The following LHFPL6 variants were observed in gnomAD, a reference collection of about 807,000 sequenced individuals.
LHFPL6 encodes LHFPL tetraspan subfamily member 6.
LHFPL6 carries 9 observed loss-of-function variants against 20.6 expected under a neutral mutation model. The observed-to-expected ratio is 0.44, with a 90% confidence interval of 0.26 to 0.76. The LOEUF (loss-of-function observed/expected upper bound fraction) is 0.76. Among genes scored for constraint, LHFPL6 ranks in the 30% least tolerant of loss-of-function variants. LHFPL6 has a pLI of 0.20. For synonymous variants in LHFPL6, 105 were observed against 98.7 expected, an observed-to-expected ratio of 1.06 and a Z score of -0.38; for missense variants, 218 against 253.5, an observed-to-expected ratio of 0.86 and a Z score of 0.95.
chr13:39,415,533 G>A (rs1871326672), intron 2 of LHFPL6, among the ~76,000 whole-genome samples: 1 of 151,856 alleles, frequency 6.6e-6, no homozygotes, highest in South Asian at 2.1e-4. Context: ...AAAGCAAGCT[G>A]AAGAAACACT....
intron 3 of LHFPL6, among the ~76,000 whole-genome samples, chr13:39,369,359 A>T (rs2138351899): frequency 6.6e-6 from 1 of 152,270 alleles, no homozygotes; most frequent in Admixed American, 6.5e-5. Context: ...GAAAAAAAGA[A>T]TGTAGAGCAA....
chr13:39,386,079 G>A (rs984274115), intron 2 of LHFPL6, among the ~76,000 whole-genome samples: 5 of 151,924 alleles, frequency 3.3e-5, no homozygotes, highest in African/African-American at 9.7e-5. Context: ...CCTTTCTGTG[G>A]TAAGCACCGA....
At chr13:39,596,423 GCAT>G (rs1872772599) in intron 2 of LHFPL6, among the ~76,000 whole-genome samples, 1 of 152,122 alleles carries the variant, frequency 6.6e-6, no homozygotes, top group Admixed American at 6.5e-5. Context: ...AGCAGCAGCA[GCAT>G]CACCTGAAAA....
intron 2 of LHFPL6, among the ~76,000 whole-genome samples, chr13:39,472,809 C>T (rs570027657): frequency 2.0e-5 from 3 of 152,216 alleles, no homozygotes. Context: ...TGGGGTTTCA[C>T]CAGGTTGGCC....
chr13:39,460,087 T>C (rs1282981950), intron 2 of LHFPL6, among the ~76,000 whole-genome samples: 2 of 152,160 alleles, frequency 1.3e-5, no homozygotes, highest in East Asian at 1.9e-4. Context: ...TGAATATCTA[T>C]AGAAATTTCT....
At chr13:39,525,874 T>TC (rs994367796) in intron 2 of LHFPL6, among the ~76,000 whole-genome samples, 2 of 151,824 alleles carry the variant, frequency 1.3e-5, no homozygotes, top group Admixed American at 1.3e-4. Context: ...TCCTTTTTTT[T>TC]TTCTTTTTTA....
At chr13:39,597,778 A>G (rs1593379423) in intron 2 of LHFPL6, among the ~76,000 whole-genome samples, 1 of 152,192 alleles carries the variant, frequency 6.6e-6, no homozygotes, top group Admixed American at 6.5e-5. Flanking sequence ...TGGCAGCCCC[A>G]TTTTACATTG....
intron 2 of LHFPL6, among the ~76,000 whole-genome samples, chr13:39,494,754 T>C (rs2138457290): frequency 6.6e-6 from 1 of 152,290 alleles, no homozygotes; most frequent in Non-Finnish European, 1.5e-5. Flanking sequence ...TAAGATTTAA[T>C]TGGAATCAAA....
At chr13:39,457,077 G>A (rs532542532) in intron 2 of LHFPL6, among the ~76,000 whole-genome samples, 1 of 152,256 alleles carries the variant, frequency 6.6e-6, no homozygotes, top group South Asian at 2.1e-4. Context: ...TGGGATTATA[G>A]ACGTGAGCCA....
At chr13:39,402,155 T>C (rs556801379) in intron 2 of LHFPL6, among the ~76,000 whole-genome samples, 51 of 152,366 alleles carry the variant, frequency 3.3e-4, no homozygotes, top group Middle Eastern at 3.4e-3. Flanking sequence ...AACAATATTT[T>C]TGATATACTT....
intron 2 of LHFPL6, among the ~76,000 whole-genome samples, chr13:39,406,668 A>G (rs1184187608): frequency 6.6e-6 from 1 of 152,236 alleles, no homozygotes; most frequent in East Asian, 1.9e-4. Context: ...TCAATTATCC[A>G]TTTTAATGTA....
At chr13:39,536,729 C>T (rs1244003950) in intron 2 of LHFPL6, among the ~76,000 whole-genome samples, 1 of 152,176 alleles carries the variant, frequency 6.6e-6, no homozygotes, top group Non-Finnish European at 1.5e-5. Flanking sequence ...TCTTGCACAT[C>T]TAACCAGCAG....
intron 3 of LHFPL6, among the ~76,000 whole-genome samples, chr13:39,377,280 T>C (rs898365599): frequency 3.9e-5 from 6 of 152,260 alleles, no homozygotes; most frequent in East Asian, 1.9e-4. Context: ...TCCTATGTCA[T>C]GAAAATTTTA....
chr13:39,600,703 C>T (rs984518750), intron 2 of LHFPL6, 129 bp downstream of exon 2: 4 of 994,170 alleles, frequency 4.0e-6, no homozygotes, highest in Admixed American at 6.0e-5. Flanking sequence ...ATCATCAAAG[C>T]CATTCCAAAT....
intron 2 of LHFPL6, among the ~76,000 whole-genome samples, chr13:39,585,292 C>T (rs1476823175): frequency 1.3e-5 from 2 of 152,188 alleles, no homozygotes; most frequent in East Asian, 1.9e-4. Flanking sequence ...AGAATCATAA[C>T]ATTTACAGCT....
chr13:39,400,608 C>A (rs1870961594), intron 2 of LHFPL6, among the ~76,000 whole-genome samples: 1 of 150,906 alleles, frequency 6.6e-6, no homozygotes, highest in African/African-American at 2.4e-5. Flanking sequence ...ACGGTGAAAC[C>A]CCGTCTCTAC....
intron 2 of LHFPL6, among the ~76,000 whole-genome samples, chr13:39,391,681 A>C (rs1870712111): frequency 6.6e-6 from 1 of 152,012 alleles, no homozygotes; most frequent in Non-Finnish European, 1.5e-5. Context: ...TTCATCACTA[A>C]AAATTTAGAG....
intron 2 of LHFPL6, among the ~76,000 whole-genome samples, chr13:39,548,798 G>C (rs757438933): frequency 2.6e-5 from 4 of 152,028 alleles, no homozygotes; most frequent in African/African-American, 4.8e-5. Flanking sequence ...ACACCTTGTT[G>C]TTCTAGAAAA....
chr13:39,502,192 C>T (rs1869315515), intron 2 of LHFPL6, among the ~76,000 whole-genome samples: 1 of 152,154 alleles, frequency 6.6e-6, no homozygotes, highest in South Asian at 2.1e-4. Context: ...GGCTCTGAGG[C>T]TAGAGGTTAA....
Sources: gnomAD v4.1 joint callset for allele counts (sites outside exome capture counted in the v4.1 genomes callset) on GRCh38, gnomAD v4.1.1 for gene constraint, MANE v1.5 for transcripts, NCBI Gene and HGNC (gene_info 2026-07-23, HGNC 2026-07-21) for gene names.